Variants in RGCC observed in about 807,000 individuals in gnomAD.
The protein encoded by RGCC is regulator of cell cycle.
In RGCC, 15 loss-of-function variants were observed where a neutral mutation model predicts 15.4. The observed-to-expected ratio is 0.97, with a 90% confidence interval of 0.65 to 1.50. RGCC has a LOEUF of 1.50. RGCC is among the 40% of genes most tolerant of loss of function. The pLI is 0.00. For synonymous variants in RGCC, 81 were observed against 78.0 expected, an observed-to-expected ratio of 1.04 and a Z score of -0.20; for missense variants, 176 against 189.7, an observed-to-expected ratio of 0.93 and a Z score of 0.42.
chr13:41,467,659 T>C (rs1312724109), intron 3 of RGCC, among the ~76,000 whole-genome samples: 1 of 152,212 alleles, frequency 6.6e-6, no homozygotes, highest in Non-Finnish European at 1.5e-5. Flanking sequence ...GAAATGACAA[T>C]TCCATCACTC....
Position 41,457,887 on chromosome 13 carries a change from T to G in RGCC, c.49+131T>G. 5 of 1,284,384 alleles carry G rather than the reference T, an allele frequency of 3.9e-6. No individual in the cohort carries two copies. Among genetic ancestry groups the G allele is most frequent in the Non-Finnish European group, 5.0e-6 (5 of 997,542 alleles). The allele number at this position is 1,284,384 out of a possible 1,614,324, so 79.6% of individuals were successfully genotyped here. A position where few individuals can be genotyped will look rare whatever the true frequency, so the allele number is the denominator to read the frequency against. On this transcript the variant is annotated intron_variant, in intron 1 of 4. Transcript: ENST00000379359. The surrounding 1 kb of genome is among the most constrained non-coding windows in gnomAD (Gnocchi z 4.9). ...CCCCGGCGGGAACCTGTCCCCGGTC[T>G]TCCCGCGCGGGCGGCTGCAGCCTCC...
In RGCC at chr13:41,470,715, G is replaced by A. The variant is rs2043871823; in HGVS notation, c.*230G>A. Reference sequence around the variant, plus strand: ...CTGCTTGCAGCATATTAGAACAGACGATCCATGCTAATATTGTATTTTCTC... The same window carrying A: ...CTGCTTGCAGCATATTAGAACAGACAATCCATGCTAATATTGTATTTTCTC... On this transcript the variant is annotated 3_prime_UTR_variant, in exon 5 of 5. Transcript: ENST00000379359. 7 of 504,996 alleles carry A rather than the reference G, an allele frequency of 1.4e-5. No individual in the cohort carries two copies. The highest frequency in any genetic ancestry group is 3.4e-5 in the South Asian group (1 of 29,474). 31.3% of individuals were successfully genotyped at this position (504,996 alleles called of 1,614,324 possible).
chr13:41,461,942 T>C (rs2043823201), intron 2 of RGCC, among the ~76,000 whole-genome samples: 1 of 152,202 alleles, frequency 6.6e-6, no homozygotes, highest in Non-Finnish European at 1.5e-5. Flanking sequence ...CTTGTGATGC[T>C]TGGCAAGGCA....
At chr13:41,459,873 TC>T (rs2043811975) in intron 2 of RGCC, among the ~76,000 whole-genome samples, 1 of 152,236 alleles carries the variant, frequency 6.6e-6, no homozygotes, top group African/African-American at 2.4e-5. Context: ...GGATAGTGTG[TC>T]GCTGCTGCTC....
intron 2 of RGCC, among the ~76,000 whole-genome samples, chr13:41,463,427 GTCA>G (rs947673686): frequency 7.4e-6 from 1 of 135,400 alleles, no homozygotes; most frequent in Non-Finnish European, 1.5e-5. Context: ...AGGGAGTGAA[GTCA>G]TGGTGTGGCA....
At chr13:41,460,370 A>G (rs188032403) in intron 2 of RGCC, among the ~76,000 whole-genome samples, 5 of 152,338 alleles carry the variant, frequency 3.3e-5, no homozygotes, top group African/African-American at 2.4e-5. Context: ...ATGCTTTTCT[A>G]TGGGAGAGAA....
At chr13:41,463,214 C>T (rs2043830143) in intron 2 of RGCC, among the ~76,000 whole-genome samples, 1 of 152,202 alleles carries the variant, frequency 6.6e-6, no homozygotes, top group Non-Finnish European at 1.5e-5. Flanking sequence ...TAGATGCCCA[C>T]TCGCCAGTGG....
At chr13:41,466,733 A>G in intron 2 of RGCC, 90 bp from the exon 3 acceptor site, 1 of 924,448 alleles carries the variant, frequency 1.1e-6, no homozygotes, top group Non-Finnish European at 1.7e-6. Context: ...TATTTTGAAG[A>G]CAAATTGTTG....
At position 41,462,416 on chromosome 13, in the gene RGCC, C is replaced by T. The variant is rs563045038; in HGVS notation, c.235+3946C>T. ...TCTTTTGATGGTGCCTTAGAAAACA[C>T]GGTCCCAGAATTTGAGGTTCCTGAC... On this transcript the variant is annotated intron_variant, in intron 2 of 4. Coordinates refer to ENST00000379359, the MANE Select transcript of RGCC (RefSeq NM_014059.3). Among the ~76,000 whole-genome samples the T allele has an allele frequency of 3.3e-5, 5 of 152,302 alleles. No individual in the cohort carries two copies. The South Asian group carries it at 6.2e-4, about 19-fold the overall frequency.
In RGCC at chr13:41,457,843, C is replaced by G; in HGVS notation, c.49+87C>G. On this transcript the variant is annotated intron_variant, in intron 1 of 4. Transcript: ENST00000379359. The surrounding 1 kb of genome is among the most constrained non-coding windows in gnomAD (Gnocchi z 4.9). ...AGGGGCCCCGTGTCGTCCCTTCACACCCCCCACCCTTCCATCCTCCCCGGC... is the reference window on the plus strand; with the variant it reads ...AGGGGCCCCGTGTCGTCCCTTCACAGCCCCCACCCTTCCATCCTCCCCGGC... 1 of 1,338,464 alleles carries G rather than the reference C, an allele frequency of 7.5e-7. No individual in the cohort carries two copies. Among genetic ancestry groups the G allele is most frequent in the Non-Finnish European group, 9.6e-7 (1 of 1,041,536 alleles). 82.9% of individuals were successfully genotyped at this position (1,338,464 alleles called of 1,614,324 possible).
chr13:41,466,160 C>T (rs1440055265), intron 2 of RGCC, among the ~76,000 whole-genome samples: 1 of 132,444 alleles, frequency 7.6e-6, no homozygotes, highest in Non-Finnish European at 1.6e-5. Flanking sequence ...CACACACGCA[C>T]ACACTCTCAC....
chr13:41,458,355 C>A lies in RGCC; in HGVS notation c.120C>A (p.Ala40=). ...DALCEFDAVL[A]DFASPFHERH... ...TGTGCGAGTTTGACGCGGTGCTGGCCGACTTCGCGTCGCCCTTCCACGAGC... is the reference window on the plus strand; with the variant it reads ...TGTGCGAGTTTGACGCGGTGCTGGCAGACTTCGCGTCGCCCTTCCACGAGC... The change falls in exon 2 of 5, where the codon GCC becomes GCA. Residue 40 remains alanine (A), a synonymous_variant. Coordinates refer to ENST00000379359, the MANE Select transcript of RGCC (RefSeq NM_014059.3). This position sits in a 1 kb window ranked among gnomAD's most constrained non-coding sequence, Gnocchi z 4.4. 6.3e-7 allele frequency: 1 copy of A among 1,592,788 alleles called. No individual in the cohort carries two copies.
Position 41,457,629 on chromosome 13 carries a change from A to G in RGCC, c.-79A>G. 1 of 1,494,118 alleles carries G rather than the reference A, an allele frequency of 6.7e-7. No homozygotes were observed. The highest frequency in any genetic ancestry group is 8.9e-7 in the Non-Finnish European group (1 of 1,124,306). 92.6% of individuals were successfully genotyped at this position (1,494,118 alleles called of 1,614,324 possible). A position where few individuals can be genotyped will look rare whatever the true frequency, so the allele number is the denominator to read the frequency against. On this transcript the variant is annotated 5_prime_UTR_variant, in exon 1 of 5. Coordinates refer to ENST00000379359, the MANE Select transcript of RGCC (RefSeq NM_014059.3). This position sits in a 1 kb window ranked among gnomAD's most constrained non-coding sequence, Gnocchi z 4.9. ...GACTGGCAGGGCTGAAGTGTGCGGGACAGCAAGCCCCCGAATAGCCCCGGC... is the reference window on the plus strand; with the variant it reads ...GACTGGCAGGGCTGAAGTGTGCGGGGCAGCAAGCCCCCGAATAGCCCCGGC...
At chr13:41,467,412 A>C (rs1449856649) in intron 3 of RGCC, among the ~76,000 whole-genome samples, 1 of 152,238 alleles carries the variant, frequency 6.6e-6, no homozygotes, top group African/African-American at 2.4e-5. Flanking sequence ...ACATGATTTA[A>C]AATAGCAGCT....
In RGCC at chr13:41,458,120, G is replaced by T. The variant is rs934554512; in HGVS notation, c.50-165G>T. ...ACTTGGTAATAGAACGCACTTCGGG[G>T]GTGGTGGAGAAGATTACAAGGTAAC... On this transcript the variant is annotated intron_variant, in intron 1 of 4. Coordinates refer to ENST00000379359, the MANE Select transcript of RGCC (RefSeq NM_014059.3). The surrounding 1 kb of genome is among the most constrained non-coding windows in gnomAD (Gnocchi z 4.4). 6.6e-6 allele frequency among the ~76,000 whole-genome samples: 1 copy of T among 152,220 alleles called. No homozygotes were observed. The highest frequency in any genetic ancestry group is 2.4e-5 in the African/African-American group (1 of 41,468).
intron 4 of RGCC, among the ~76,000 whole-genome samples, chr13:41,469,289 T>TAAGAAGAAGAAGAAG (rs769260478): frequency 7.9e-5 from 8 of 101,126 alleles, no homozygotes; most frequent in African/African-American, 2.8e-4. Context: ...ATAATAATAA[T>TAAGAAGAAGAAGAAG]AATAATAAGA....
At chr13:41,460,798 T>C (rs2043817462) in intron 2 of RGCC, among the ~76,000 whole-genome samples, 1 of 152,238 alleles carries the variant, frequency 6.6e-6, no homozygotes, top group African/African-American at 2.4e-5. Context: ...TGCTATACCA[T>C]ATAGATACAT....
At chr13:41,460,989 C>T (rs2043818575) in intron 2 of RGCC, among the ~76,000 whole-genome samples, 1 of 152,126 alleles carries the variant, frequency 6.6e-6, no homozygotes, top group South Asian at 2.1e-4. Context: ...ATTTAGGTTG[C>T]TTGCACCCAA....
At position 41,457,766 on chromosome 13, in the gene RGCC, G is replaced by C; in HGVS notation, c.49+10G>C. 7.2e-7 allele frequency: 1 copy of C among 1,382,058 alleles called. No individual in the cohort carries two copies. The highest frequency in any genetic ancestry group is 1.8e-5 in the South Asian group (1 of 55,554). The allele number at this position is 1,382,058 out of a possible 1,614,324, so 85.6% of individuals were successfully genotyped here. A position where few individuals can be genotyped will look rare whatever the true frequency, so the allele number is the denominator to read the frequency against. ...GCCGCCGCGGCCGCAGGTGAGTGCG[G>C]GGTCCGGGGTCCCCTTAAAGTCTCG... is the stretch of plus-strand genomic sequence containing the variant. On this transcript the variant is annotated intron_variant, in intron 1 of 4. Coordinates refer to ENST00000379359, the MANE Select transcript of RGCC (RefSeq NM_014059.3). The surrounding 1 kb of genome is among the most constrained non-coding windows in gnomAD (Gnocchi z 4.9).
Sources: gnomAD v4.1 joint callset for allele counts (sites outside exome capture counted in the v4.1 genomes callset) on GRCh38, gnomAD v4.1.1 for gene constraint, Gnocchi (gnomAD v3.1) non-coding constraint, MANE v1.5 for transcripts, NCBI Gene and HGNC (gene_info 2026-07-23, HGNC 2026-07-21) for gene names.